The following TNS4 variants were observed in gnomAD, a reference collection of about 807,000 sequenced individuals.
TNS4 encodes tensin 4.
In TNS4, 46 loss-of-function variants were observed where a neutral mutation model predicts 70.4. The observed-to-expected ratio is 0.65, with a 90% confidence interval of 0.52 to 0.84. TNS4 has a LOEUF of 0.84. Ranked by LOEUF, TNS4 falls within the 40% of genes least tolerant of loss-of-function variation. The pLI, the probability that TNS4 is intolerant of heterozygous loss-of-function variation, is 0.00. For synonymous variants in TNS4, 390 were observed against 366.6 expected, an observed-to-expected ratio of 1.06 and a Z score of -0.73; for missense variants, 863 against 907.0, an observed-to-expected ratio of 0.95 and a Z score of 0.62.
intron 10 of TNS4, among the ~76,000 whole-genome samples, chr17:40,479,134 C>G (rs1327339285): frequency 6.6e-6 from 1 of 151,994 alleles, no homozygotes; most frequent in Non-Finnish European, 1.5e-5. Context: ...TACTAGTTAA[C>G]TCCATTTCCT....
intron 2 of TNS4, 102 bp downstream of exon 2, chr17:40,495,885 C>T: frequency 6.7e-6 from 9 of 1,333,628 alleles, no homozygotes; most frequent in Non-Finnish European, 9.2e-6. Flanking sequence ...CACAGCACCT[C>T]CCAACAGGAC....
At chr17:40,499,026 T>C (rs973748198) in intron 1 of TNS4, among the ~76,000 whole-genome samples, 3 of 152,094 alleles carry the variant, frequency 2.0e-5, no homozygotes, top group Non-Finnish European at 2.9e-5. Flanking sequence ...TCATATTGTC[T>C]TATGCCCAAT....
chr17:40,491,046 A>C (rs1000120401), intron 2 of TNS4, among the ~76,000 whole-genome samples: 2 of 152,182 alleles, frequency 1.3e-5, no homozygotes, highest in Admixed American at 1.3e-4. Context: ...GGGGCACTGC[A>C]TTGTGGGCTC....
In TNS4 at chr17:40,475,846, A is replaced by T. The variant is rs1009464765; in HGVS notation, c.*1742T>A. The T allele has an allele frequency of 7.9e-5, 12 of 152,222 alleles. No homozygotes were observed. The highest frequency in any genetic ancestry group is 2.9e-4 in the African/African-American group (12 of 41,450). The allele number at this position is 152,222 out of a possible 1,614,324, so 9.4% of individuals were successfully genotyped here. Reference sequence around the variant, plus strand: ...TCAGAACTTACTGTTTTGCAAAGACAAACATTTTATTTTTCATGATAGGAG... The same window carrying T: ...TCAGAACTTACTGTTTTGCAAAGACTAACATTTTATTTTTCATGATAGGAG... On this transcript the variant is annotated 3_prime_UTR_variant, in exon 13 of 13. Coordinates refer to ENST00000254051, the MANE Select transcript of TNS4 (RefSeq NM_032865.6).
Position 40,479,700 on chromosome 17 carries a change from G to A in TNS4, c.1884C>T (p.Gly628=). 1.2e-6 allele frequency: 2 copies of A among 1,614,046 alleles called. No individual in the cohort carries two copies. The highest frequency in any genetic ancestry group is 1.7e-6 in the Non-Finnish European group (2 of 1,179,982). The change falls in exon 10 of 13, where the codon GGC becomes GGT. Residue 628 remains glycine (G), a synonymous_variant. Transcript: ENST00000254051. ...TVVHFKVTEQ[G]ITLTDVQRKV... ...TCCTCTGGACATCAGTCAGAGTGAT[G>A]CCCTGCTCTGTGACTTTGAAGTGGA...
chr17:40,483,103 C>A (rs1478695196), intron 6 of TNS4, among the ~76,000 whole-genome samples: 1 of 152,080 alleles, frequency 6.6e-6, no homozygotes, highest in African/African-American at 2.4e-5. Context: ...GCGTGCCCCA[C>A]CATGTCGGGC....
intron 1 of TNS4, among the ~76,000 whole-genome samples, chr17:40,501,218 G>A (rs1215984465): frequency 1.3e-5 from 2 of 152,184 alleles, no homozygotes; most frequent in Admixed American, 1.3e-4. Context: ...AGGCTAAGGT[G>A]GGAGGATCAC....
chr17:40,492,108 G>A (rs73310923), intron 2 of TNS4, among the ~76,000 whole-genome samples: 7,083 of 152,210 alleles, frequency 0.047, 506 homozygotes, highest in African/African-American at 0.16. Context: ...AGGAGGTCGC[G>A]CCTCAGAAGA....
Position 40,491,848 on chromosome 17 carries a change from G to A in TNS4, c.440-2879C>T, listed in dbSNP as rs547466353. ...GGGTGAGTGGAGGGAGGGCGTGTGG[G>A]TGAGGGGTGGAGAGATACTTATTAA... On this transcript the variant is annotated intron_variant, in intron 2 of 12. Transcript: ENST00000254051. 7.9e-5 allele frequency among the ~76,000 whole-genome samples: 12 copies of A among 152,282 alleles called. No homozygotes were observed. The East Asian group carries it at 2.3e-3, about 29-fold the overall frequency.
intron 2 of TNS4, among the ~76,000 whole-genome samples, chr17:40,493,477 T>C (rs1455056098): frequency 6.6e-6 from 1 of 152,288 alleles, no homozygotes; most frequent in East Asian, 1.9e-4. Context: ...GGTGCAGGTG[T>C]CTGCTGTTCT....
At position 40,488,722 on chromosome 17, in the gene TNS4, G is replaced by A. The variant is rs1366656657; in HGVS notation, c.687C>T (p.Pro229=). ...TCCCCATGCAAGGGATTGAGATGCTGGGGGAATTTGGGGGTCGAGGGGAGA... is the reference window on the plus strand; with the variant it reads ...TCCCCATGCAAGGGATTGAGATGCTAGGGGAATTTGGGGGTCGAGGGGAGA... ...EGLSPRPPNS[P]SISIPCMGSK... The change falls in exon 3 of 13, where the codon CCC becomes CCT. Residue 229 remains proline, a synonymous_variant. Coordinates refer to ENST00000254051, the MANE Select transcript of TNS4 (RefSeq NM_032865.6). 1.3e-6 allele frequency: 2 copies of A among 1,592,404 alleles called. No homozygotes were observed. Among genetic ancestry groups the A allele is most frequent in the African/African-American group, 1.4e-5 (1 of 73,720 alleles).
At chr17:40,499,805 C>T (rs2036190321) in intron 1 of TNS4, among the ~76,000 whole-genome samples, 1 of 152,212 alleles carries the variant, frequency 6.6e-6, no homozygotes, top group Non-Finnish European at 1.5e-5. Flanking sequence ...TCTGGGCGCT[C>T]CCTGCAGGGT....
chr17:40,488,535 A>G lies in TNS4; in HGVS notation c.863+11T>C. 1.3e-6 allele frequency: 2 copies of G among 1,502,696 alleles called. No individual in the cohort carries two copies. Among genetic ancestry groups the G allele is most frequent in the Non-Finnish European group, 1.8e-6 (2 of 1,125,508 alleles). 93.1% of individuals were successfully genotyped at this position (1,502,696 alleles called of 1,614,324 possible). A position where few individuals can be genotyped will look rare whatever the true frequency, so the allele number is the denominator to read the frequency against. On this transcript the variant is annotated intron_variant, in intron 3 of 12. Transcript: ENST00000254051. ...GTGTGTGTGTGCAATGTTAGAAGCTACAGAACCTACCTTCCAAACATATAG... is the reference window on the plus strand; with the variant it reads ...GTGTGTGTGTGCAATGTTAGAAGCTGCAGAACCTACCTTCCAAACATATAG...
intron 2 of TNS4, among the ~76,000 whole-genome samples, chr17:40,491,308 G>A (rs571707924): frequency 6.7e-6 from 1 of 148,416 alleles, no homozygotes; most frequent in East Asian, 2.0e-4. Flanking sequence ...AATGTGCCAG[G>A]ACCACTACGA....
intron 2 of TNS4, among the ~76,000 whole-genome samples, chr17:40,493,769 C>G (rs535663590): frequency 6.6e-6 from 1 of 152,320 alleles, no homozygotes; most frequent in Non-Finnish European, 1.5e-5. Context: ...CAGCCCTAAG[C>G]TGATCATGAG....
chr17:40,494,116 G>C (rs1312464322), intron 2 of TNS4, among the ~76,000 whole-genome samples: 1 of 152,268 alleles, frequency 6.6e-6, no homozygotes, highest in African/African-American at 2.4e-5. Context: ...GGGCCTGGGT[G>C]CTGGGCTGGC....
chr17:40,482,623 C>A lies in TNS4; in HGVS notation c.1502-207G>T, dbSNP rs535123165. 2.6e-5 allele frequency among the ~76,000 whole-genome samples: 4 copies of A among 151,544 alleles called. No homozygotes were observed. The East Asian group carries it at 7.8e-4, about 30-fold the overall frequency. On this transcript the variant is annotated intron_variant, in intron 6 of 12. Coordinates refer to ENST00000254051, the MANE Select transcript of TNS4 (RefSeq NM_032865.6). ...ACACACACACACACACACACAGTCACACACACAAAGCCGGGCGTGGTTCAC... is the reference window on the plus strand; with the variant it reads ...ACACACACACACACACACACAGTCAAACACACAAAGCCGGGCGTGGTTCAC...
Position 40,477,405 on chromosome 17 carries a change from G to C in TNS4, c.*183C>G. On this transcript the variant is annotated 3_prime_UTR_variant, in exon 13 of 13. Coordinates refer to ENST00000254051, the MANE Select transcript of TNS4 (RefSeq NM_032865.6). The stretch of plus-strand genomic sequence containing the variant: ...GATTGAGGAAACTGAGGCCCGGGGG[G>C]TCTGGATGATGGTGACTGCTGAAGG... The C allele has an allele frequency of 1.5e-6, 1 of 658,848 alleles. No individual in the cohort carries two copies. Among genetic ancestry groups the C allele is most frequent in the Non-Finnish European group, 2.4e-6 (1 of 408,986 alleles). 40.8% of individuals were successfully genotyped at this position (658,848 alleles called of 1,614,324 possible).
chr17:40,491,596 G>T (rs1161378353), intron 2 of TNS4, among the ~76,000 whole-genome samples: 1 of 152,140 alleles, frequency 6.6e-6, no homozygotes, highest in East Asian at 1.9e-4. Context: ...GAAGCTCTGG[G>T]CTCCCTACTC....
Sources: allele counts gnomAD v4.1 joint callset (sites outside exome capture counted in the v4.1 genomes callset), GRCh38; gene constraint gnomAD v4.1.1; transcripts MANE v1.5; gene names NCBI Gene and HGNC (gene_info 2026-07-23, HGNC 2026-07-21).